Variants in JMJD1C observed in about 807,000 individuals in gnomAD.
The protein encoded by JMJD1C is jumonji domain containing 1C.
A neutral mutation model predicts 245.3 loss-of-function variants in JMJD1C; 31 were observed. The observed-to-expected ratio is 0.13, with a 90% CI of 0.09 to 0.17. The LOEUF is 0.17. Among genes scored for constraint, JMJD1C ranks in the 10% least tolerant of loss-of-function variants. The pLI, the probability that JMJD1C is intolerant of heterozygous loss-of-function variation, is 1.00. For synonymous variants in JMJD1C, 1,057 were observed against 1,017.4 expected (o/e 1.04, Z -0.74); for missense variants, 2,691 against 3,000.2 (o/e 0.90, Z 2.41).
chr10:63,477,051 CCT>C (rs1210486595), intron 1 of JMJD1C, among the ~76,000 whole-genome samples: 1 of 152,064 alleles, frequency 6.6e-6, no homozygotes, highest in Non-Finnish European at 1.5e-5. Flanking sequence ...AAACTGTAGA[CCT>C]CTCTCAAAAA....
rs969539021 is a variant in JMJD1C at position 63,248,844 on chromosome 10, G to A, written c.447+15807C>T. ...TCCACCTAAGTGCTCATCAATGGACGAATGATATAGGAAATGTGGTATACG... is the reference window on the plus strand; with the variant it reads ...TCCACCTAAGTGCTCATCAATGGACAAATGATATAGGAAATGTGGTATACG... On this transcript the variant is annotated intron_variant, in intron 3 of 25. Transcript: ENST00000399262. Among the ~76,000 whole-genome samples, 5 of 152,280 alleles carry A rather than the reference G, an allele frequency of 3.3e-5. No homozygotes were observed. In the South Asian group the frequency reaches 6.2e-4, roughly 19 times the overall value.
intron 3 of JMJD1C, among the ~76,000 whole-genome samples, 173 bp downstream of exon 3, chr10:63,264,472 TAATTGA>T (rs1300609590): frequency 2.6e-5 from 4 of 152,194 alleles, no homozygotes; most frequent in Non-Finnish European, 5.9e-5. Flanking sequence ...TATATATTGT[TAATTGA>T]ATTAATAAAT....
In JMJD1C at chr10:63,270,710, C is replaced by T. The variant is rs144005529; in HGVS notation, c.334-5946G>A. Among the ~76,000 whole-genome samples the T allele has an allele frequency of 7.1e-4, 108 of 152,208 alleles. 2 individuals are homozygous for T. Among genetic ancestry groups the T allele is most frequent in the African/African-American group, 2.5e-3 (105 of 41,498 alleles). ...CTGGAACTCCTGAACTTAAGCGATCCACCCACTTCAGTTTCCTAAAGTGCT... is the reference window on the plus strand; with the variant it reads ...CTGGAACTCCTGAACTTAAGCGATCTACCCACTTCAGTTTCCTAAAGTGCT... On this transcript the variant is annotated intron_variant, in intron 2 of 25. Coordinates refer to ENST00000399262, the MANE Select transcript of JMJD1C (RefSeq NM_032776.3).
At position 63,213,698 on chromosome 10, in the gene JMJD1C, C is replaced by T; in HGVS notation, c.2469G>A (p.Leu823=). The stretch of plus-strand genomic sequence containing the variant: ...GCTGGTGTGCTAGCGCTAAGTGGCT[C>T]AAGCTGCTGGCATGAGCACTCTCTA... ...PRLESAHASS[L]SHLALAHQQQ... Residue 823 remains leucine, a synonymous_variant, in exon 8 of 26, where the codon TTG becomes TTA. Transcript: ENST00000399262. 6.2e-7 allele frequency: 1 copy of T among 1,614,184 alleles called. No homozygotes were observed. The highest frequency in any genetic ancestry group is 8.5e-7 in the Non-Finnish European group (1 of 1,180,028).
At position 63,207,576 on chromosome 10, in the gene JMJD1C, G is replaced by C. The variant is rs755958417; in HGVS notation, c.4093C>G (p.His1365Asp). Reference protein sequence around the residue: ...ILPNVNSDSVHTKSEKNFQAV... With the variant: ...ILPNVNSDSVDTKSEKNFQAV... Reference sequence around the variant, plus strand: ...TGAAAGTTTTTTTCAGATTTTGTGTGAACACTGTCTGAATTCACATTTGGC... The same window carrying C: ...TGAAAGTTTTTTTCAGATTTTGTGTCAACACTGTCTGAATTCACATTTGGC... The change falls in exon 10 of 26, where the codon CAC (histidine) becomes GAC (aspartate). Residue 1365 changes from histidine (H) to aspartate (D), a missense_variant. This residue lies in a region of JMJD1C where 1,562 missense variants were observed against 1,490.7 expected (regional missense o/e 1.05). Transcript: ENST00000399262. 5.0e-6 allele frequency: 8 copies of C among 1,614,050 alleles called. No homozygotes were observed. In the African/African-American group the frequency reaches 9.3e-5, roughly 19 times the overall value.
At chr10:63,187,304 G>C (rs1326459872) in intron 18 of JMJD1C, among the ~76,000 whole-genome samples, 1 of 152,106 alleles carries the variant, frequency 6.6e-6, no homozygotes, top group Non-Finnish European at 1.5e-5. Context: ...CTAGTGCCTA[G>C]TATCTATCCA....
intron 2 of JMJD1C, among the ~76,000 whole-genome samples, chr10:63,373,664 T>A (rs1171555267): frequency 1.3e-5 from 2 of 152,174 alleles, no homozygotes; most frequent in East Asian, 3.9e-4. Flanking sequence ...AAACATTAAA[T>A]TTGTAGAAAA....
At chr10:63,516,999 T>C (rs1955038109) in intron 1 of JMJD1C, among the ~76,000 whole-genome samples, 1 of 152,228 alleles carries the variant, frequency 6.6e-6, no homozygotes, top group Non-Finnish European at 1.5e-5. Flanking sequence ...TCTTCTGTTA[T>C]GTCAGTCTTC....
At chr10:63,386,948 A>T (rs1302811168) in intron 1 of JMJD1C, among the ~76,000 whole-genome samples, 1 of 152,154 alleles carries the variant, frequency 6.6e-6, no homozygotes, top group Non-Finnish European at 1.5e-5. Context: ...GACTAACACC[A>T]AAGGAGCCCA....
At chr10:63,324,224 T>C (rs1474472421) in intron 2 of JMJD1C, among the ~76,000 whole-genome samples, 1 of 151,736 alleles carries the variant, frequency 6.6e-6, no homozygotes, top group Admixed American at 6.6e-5. Context: ...CAGTCATGCT[T>C]ACAACATAAA....
rs201586837 is a variant in JMJD1C, at chr10:63,208,643, T to C, written c.3026A>G (p.Gln1009Arg). 1.9e-6 allele frequency: 3 copies of C among 1,614,104 alleles called. No homozygotes were observed. The highest frequency in any genetic ancestry group is 1.3e-5 in the African/African-American group (1 of 75,054). ...TTTGTTTAACCTCTCTCCAGTCTCC[T>C]GGGGTGGCCTCTGTAACTGATTTAA... Reference protein sequence around the residue: ...PVLNQLQRPPQETGERLNKYK... With the variant: ...PVLNQLQRPPRETGERLNKYK... Residue 1009 changes from glutamine to arginine, a missense_variant, in exon 10 of 26, where the codon CAG (glutamine) becomes CGG (arginine). By Grantham distance (43) the Gln-to-Arg change is conservative. Transcript: ENST00000399262.
chr10:63,205,601 C>T (rs1330843457), intron 10 of JMJD1C, among the ~76,000 whole-genome samples: 2 of 152,152 alleles, frequency 1.3e-5, no homozygotes, highest in African/African-American at 4.8e-5. Context: ...GTGTAGGTTA[C>T]ATGCAAATAT....
rs1330167088 is a variant in JMJD1C, at chr10:63,458,121, A to T, written c.168+7374T>A. Among the ~76,000 whole-genome samples, 3 of 152,368 alleles carry T rather than the reference A, an allele frequency of 2.0e-5. No individual in the cohort carries two copies. In the East Asian group the frequency reaches 5.8e-4, roughly 29 times the overall value. Reference sequence around the variant, plus strand: ...TGTTTCAACATTAACAATTTAGTAAAGACCAGTTGTAAAACTAAAAGTACG... The same window carrying T: ...TGTTTCAACATTAACAATTTAGTAATGACCAGTTGTAAAACTAAAAGTACG... On this transcript the variant is annotated intron_variant, in intron 1 of 25. Coordinates refer to ENST00000399262, the MANE Select transcript of JMJD1C (RefSeq NM_032776.3).
chr10:63,430,241 T>C (rs547151252), intron 1 of JMJD1C, among the ~76,000 whole-genome samples: 4 of 152,302 alleles, frequency 2.6e-5, no homozygotes, highest in African/African-American at 9.6e-5. Context: ...ATCAAACTCT[T>C]AGAAGAAAAC....
chr10:63,200,659 A>G lies in JMJD1C; in HGVS notation c.5093T>C (p.Val1698Ala), dbSNP rs750739206. 6.2e-7 allele frequency: 1 copy of G among 1,613,972 alleles called. No homozygotes were observed. The highest frequency in any genetic ancestry group is 2.2e-5 in the East Asian group (1 of 44,844). The change falls in exon 11 of 26, where the codon GTA (valine) becomes GCA (alanine). Residue 1698 changes from valine to alanine, a missense_variant. By Grantham distance (64) the Val-to-Ala change is moderately conservative. Coordinates refer to ENST00000399262, the MANE Select transcript of JMJD1C (RefSeq NM_032776.3). ...CTTGACTTTACGCCAATCTTTCAAT[A>G]CTGAACGAGGAATGCCAGCTGTAAA... Reference protein sequence around the residue: ...SNSNTGIPRSVLKDWRKVKKL... With the variant: ...SNSNTGIPRSALKDWRKVKKL...
In JMJD1C at chr10:63,465,896, A is replaced by C. The variant is rs1245198903; in HGVS notation, c.-234T>G. On this transcript the variant is annotated 5_prime_UTR_variant, in exon 1 of 26. Transcript: ENST00000399262. ...GCAGCCTTGTGCTGCAGCGCCACAC[A>C]AGAAAACTGAAACAAAACCCAACGC... 11 of 643,544 alleles carry C rather than the reference A, an allele frequency of 1.7e-5. No individual in the cohort carries two copies. The highest frequency in any genetic ancestry group is 3.1e-5 in the Non-Finnish European group (11 of 356,238). 39.9% of individuals were successfully genotyped at this position (643,544 alleles called of 1,614,324 possible). A position where few individuals can be genotyped will look rare whatever the true frequency, so the allele number is the denominator to read the frequency against.
chr10:63,457,722 G>C (rs1952504880), intron 1 of JMJD1C, among the ~76,000 whole-genome samples: 2 of 152,212 alleles, frequency 1.3e-5, no homozygotes, highest in African/African-American at 2.4e-5. Flanking sequence ...TTTTTACTTT[G>C]AGAGTCTGTG....
chr10:63,207,767 G>T lies in JMJD1C; in HGVS notation c.3902C>A (p.Ala1301Asp), dbSNP rs752834387. ...TGGACGCACAATGACAGATGCCATA[G>T]CAGCCTGTAACTTTCCGCTGCTTTT... ...VEKSSGKLQA[A>D]MASVIVRPSS... Residue 1301 changes from alanine (A) to aspartate (D), a missense_variant, in exon 10 of 26, where the codon GCT (alanine) becomes GAT (aspartate). Ala to Asp is a moderately radical substitution (Grantham distance 126, BLOSUM62 -2). Transcript: ENST00000399262. 2.5e-6 allele frequency: 4 copies of T among 1,614,180 alleles called. No individual in the cohort carries two copies. In the East Asian group the frequency reaches 8.9e-5, roughly 36 times the overall value.
chr10:63,283,226 C>A (rs1233898181), intron 2 of JMJD1C, among the ~76,000 whole-genome samples: 1 of 152,190 alleles, frequency 6.6e-6, no homozygotes, highest in Admixed American at 6.5e-5. Context: ...CAGTTTCCTA[C>A]AAAGTTTCAG....
Sources: allele counts gnomAD v4.1 joint callset (sites outside exome capture counted in the v4.1 genomes callset), GRCh38; gene constraint gnomAD v4.1.1; regional missense constraint gnomAD v4.1.1; transcripts MANE v1.5; gene names NCBI Gene and HGNC (gene_info 2026-07-23, HGNC 2026-07-21).